PCDHGA8: variants seen among roughly 807,000 people sequenced by gnomAD.
The protein encoded by PCDHGA8 is protocadherin gamma-A8.
PCDHGA8 carries 45 observed loss-of-function variants against 59.2 expected under a neutral mutation model. The ratio of observed to expected loss-of-function variants is 0.76; its 90% CI spans 0.60 to 0.98. The LOEUF (loss-of-function observed/expected upper bound fraction) is 0.98, where lower values mean the gene tolerates loss of function less well. Ranked by LOEUF, PCDHGA8 falls within the 50% of genes least tolerant of loss-of-function variation. PCDHGA8 has a pLI of 0.00. For synonymous variants in PCDHGA8, 531 were observed against 519.0 expected, an observed-to-expected ratio of 1.02 and a Z score of -0.32; for missense variants, 1,257 against 1,196.2, an observed-to-expected ratio of 1.05 and a Z score of -0.75.
At chr5:141,462,596 A>G (rs1260411284) in intron 1 of PCDHGA8, among the ~76,000 whole-genome samples, 5 of 151,922 alleles carry the variant, frequency 3.3e-5, no homozygotes, top group African/African-American at 1.2e-4. Flanking sequence ...TTTCCATTTC[A>G]TATATTGTAT....
At position 141,493,841 on chromosome 5, in the gene PCDHGA8, T is replaced by C. The variant is rs774682943; in HGVS notation, c.2425-966T>C. On this transcript the variant is annotated intron_variant, in intron 1 of 3. Transcript: ENST00000398604. The surrounding 1 kb of genome is among the most constrained non-coding windows in gnomAD (Gnocchi z 4.3). ...CTCTGCTTCTGGGAGCAAGTATGAGTATTAATTACCAGCCCACCCCAGAAC... is the reference window on the plus strand; with the variant it reads ...CTCTGCTTCTGGGAGCAAGTATGAGCATTAATTACCAGCCCACCCCAGAAC... Among the ~76,000 whole-genome samples the C allele has an allele frequency of 3.3e-5, 5 of 152,140 alleles. No homozygotes were observed. In the East Asian group the frequency reaches 9.7e-4, roughly 29 times the overall value.
chr5:141,415,736 T>G, intron 1 of PCDHGA8: 1 of 1,289,978 alleles, frequency 7.8e-7, no homozygotes, highest in South Asian at 1.8e-5. Context: ...TGATGTTTAT[T>G]AAGGTTTTTT....
Position 141,490,885 on chromosome 5 carries a change from T to C in PCDHGA8, c.2425-3922T>C, listed in dbSNP as rs1317781676. The stretch of plus-strand genomic sequence containing the variant: ...CTCTCCCCCATTGCATGCCAACACA[T>C]CTCTGCATGTGTTTGTCCTAGACGA... On this transcript the variant is annotated intron_variant, in intron 1 of 3. Coordinates refer to ENST00000398604, the MANE Select transcript of PCDHGA8 (RefSeq NM_032088.2). This position sits in a 1 kb window ranked among gnomAD's most constrained non-coding sequence, Gnocchi z 5.4. The C allele has an allele frequency of 6.2e-7, 1 of 1,613,872 alleles. No individual in the cohort carries two copies. Among genetic ancestry groups the C allele is most frequent in the Non-Finnish European group, 8.5e-7 (1 of 1,179,904 alleles).
At chr5:141,436,331 T>A (rs919524287) in intron 1 of PCDHGA8, among the ~76,000 whole-genome samples, 1 of 152,198 alleles carries the variant, frequency 6.6e-6, no homozygotes, top group Non-Finnish European at 1.5e-5. Flanking sequence ...TTAGACCATA[T>A]CTCAAATATC....
At chr5:141,446,642 A>T (rs939365233) in intron 1 of PCDHGA8, among the ~76,000 whole-genome samples, 2 of 151,970 alleles carry the variant, frequency 1.3e-5, no homozygotes, top group Admixed American at 1.3e-4. Flanking sequence ...ACGCCTGGCT[A>T]ATTTTTGTAT....
intron 1 of PCDHGA8, among the ~76,000 whole-genome samples, chr5:141,482,447 T>C (rs2099560010): frequency 6.7e-6 from 1 of 149,882 alleles, no homozygotes; most frequent in East Asian, 1.9e-4. Flanking sequence ...ATTCACCATT[T>C]ATTAGCATCC....
intron 1 of PCDHGA8, chr5:141,427,677 C>G: frequency 1.2e-6 from 1 of 816,672 alleles, no homozygotes; most frequent in Non-Finnish European, 2.1e-6. Context: ...AAACAACCTT[C>G]CCGGAGCCTC....
In PCDHGA8 at chr5:141,432,469, C is replaced by A; in HGVS notation, c.2424+37232C>A. On this transcript the variant is annotated intron_variant, in intron 1 of 3. Coordinates refer to ENST00000398604, the MANE Select transcript of PCDHGA8 (RefSeq NM_032088.2). The surrounding 1 kb of genome is among the most constrained non-coding windows in gnomAD (Gnocchi z 6.0). ...TCCTGTACCCCGCCCTCCCCACGGA[C>A]GGTTCCACTGGCGTGGAGCTGGCTC... 6.2e-7 allele frequency: 1 copy of A among 1,614,218 alleles called. No individual in the cohort carries two copies.
intron 1 of PCDHGA8, among the ~76,000 whole-genome samples, chr5:141,407,316 GTATTTATAAA>G (rs2094915018): frequency 6.6e-6 from 1 of 152,094 alleles, no homozygotes; most frequent in Non-Finnish European, 1.5e-5. Flanking sequence ...TTCATACTTA[GTATTTATAAA>G]TATTGAAATG....
intron 1 of PCDHGA8, among the ~76,000 whole-genome samples, chr5:141,462,430 T>C (rs1471523013): frequency 2.0e-5 from 3 of 152,230 alleles, no homozygotes; most frequent in African/African-American, 4.8e-5. Flanking sequence ...TTGGTGAGTG[T>C]TGCTTACACA....
chr5:141,418,105 G>A lies in PCDHGA8; in HGVS notation c.2424+22868G>A, dbSNP rs971913143. On this transcript the variant is annotated intron_variant, in intron 1 of 3. Transcript: ENST00000398604. ...ACTTCAGCGTAGACGCGCAGAGCGG[G>A]GACTTACTTGTGAAGGACCGAATAG... 5 of 1,614,062 alleles carry A rather than the reference G, an allele frequency of 3.1e-6. No homozygotes were observed. The East Asian group carries it at 8.9e-5, about 29-fold the overall frequency.
intron 1 of PCDHGA8, among the ~76,000 whole-genome samples, chr5:141,451,829 C>T (rs564970982): frequency 1.2e-4 from 18 of 151,422 alleles, no homozygotes; most frequent in African/African-American, 4.1e-4. Flanking sequence ...TACAGTGAGC[C>T]GAGATCACAC....
intron 1 of PCDHGA8, among the ~76,000 whole-genome samples, chr5:141,434,609 G>T (rs189866750): frequency 1.3e-5 from 2 of 151,946 alleles, no homozygotes; most frequent in Non-Finnish European, 2.9e-5. Flanking sequence ...CTTTATTTCC[G>T]CCCATCTCTT....
chr5:141,427,265 C>G (rs767369457), intron 1 of PCDHGA8: 1 of 456,688 alleles, frequency 2.2e-6, no homozygotes, highest in Non-Finnish European at 4.4e-6. Context: ...GCATGACCAG[C>G]GAATGTAAAA....
intron 1 of PCDHGA8, among the ~76,000 whole-genome samples, chr5:141,402,682 T>C (rs1012328239): frequency 2.0e-5 from 3 of 152,256 alleles, no homozygotes; most frequent in South Asian, 4.1e-4. Context: ...CCATCTGATA[T>C]AATGTTACAC....
Position 141,431,559 on chromosome 5 carries a change from C to A in PCDHGA8, c.2424+36322C>A. On this transcript the variant is annotated intron_variant, in intron 1 of 3. Coordinates refer to ENST00000398604, the MANE Select transcript of PCDHGA8 (RefSeq NM_032088.2). The surrounding 1 kb of genome is among the most constrained non-coding windows in gnomAD (Gnocchi z 4.8). ...ACGCAGCTGCTTGTAGTCAACGCTA[C>A]CGACCCTGACGAAGGAGTCAATGCG... is the stretch of plus-strand genomic sequence containing the variant. 6.2e-7 allele frequency: 1 copy of A among 1,614,158 alleles called. No homozygotes were observed. The highest frequency in any genetic ancestry group is 8.5e-7 in the Non-Finnish European group (1 of 1,180,030).
chr5:141,483,872 T>A (rs1373802168), intron 1 of PCDHGA8, among the ~76,000 whole-genome samples: 1 of 152,080 alleles, frequency 6.6e-6, no homozygotes, highest in African/African-American at 2.4e-5. Context: ...CAGATCAGGA[T>A]GGATTTTTCT....
chr5:141,422,969 G>C (rs1269760845), intron 1 of PCDHGA8: 2 of 1,614,202 alleles, frequency 1.2e-6, no homozygotes, highest in South Asian at 2.2e-5. Flanking sequence ...CTGGCGCCCC[G>C]CTCTGCGGAA....
At position 141,510,228 on chromosome 5, in the gene PCDHGA8, G is replaced by A. The variant is rs529723748; in HGVS notation, c.2573-719G>A. The stretch of plus-strand genomic sequence containing the variant: ...GCAGAGGTTGCAGTGAGCCGGGATC[G>A]CGCCACTGCACTCCAGGCTGGGCGA... On this transcript the variant is annotated intron_variant, in intron 3 of 3. Coordinates refer to ENST00000398604, the MANE Select transcript of PCDHGA8 (RefSeq NM_032088.2). Among the ~76,000 whole-genome samples the A allele has an allele frequency of 1.4e-3, 208 of 150,722 alleles. 1 individual carries two copies. Among genetic ancestry groups the A allele is most frequent in the African/African-American group, 4.7e-3 (193 of 40,860 alleles).
Sources: allele counts gnomAD v4.1 joint callset (sites outside exome capture counted in the v4.1 genomes callset), GRCh38; gene constraint gnomAD v4.1.1; non-coding constraint Gnocchi (gnomAD v3.1); transcripts MANE v1.5; gene names NCBI Gene and HGNC (gene_info 2026-07-23, HGNC 2026-07-21).